SYNRG: variants seen among roughly 807,000 people sequenced by gnomAD.
SYNRG encodes the protein synergin gamma.
Under a neutral mutation model 130.9 loss-of-function variants are expected in SYNRG, and 37 were observed. The observed-to-expected ratio is 0.28, with a 90% CI of 0.22 to 0.37. The LOEUF is 0.37. Among genes scored for constraint, SYNRG ranks in the 10% least tolerant of loss-of-function variants. SYNRG has a pLI of 1.00. For missense variants in SYNRG, 1,338 were observed against 1,588.9 expected (o/e 0.84, Z 2.68); for synonymous variants, 539 against 568.1 (o/e 0.95, Z 0.73).
rs1479641596 is a variant in SYNRG at position 37,545,365 on chromosome 17, C to T, written c.2609-2800G>A. Among the ~76,000 whole-genome samples the T allele has an allele frequency of 3.3e-5, 5 of 152,150 alleles. No homozygotes were observed. In the East Asian group the frequency reaches 9.7e-4, roughly 29 times the overall value. Reference sequence around the variant, plus strand: ...AAGCCAAGATGGCACCACTGCACTCCAGCCTGGCGACAGTTTGAGACTCTG... The same window carrying T: ...AAGCCAAGATGGCACCACTGCACTCTAGCCTGGCGACAGTTTGAGACTCTG... On this transcript the variant is annotated intron_variant, in intron 14 of 21. Transcript: ENST00000612223.
intron 7 of SYNRG, 42 bp downstream of exon 7, chr17:37,577,338 T>C (rs762801044): frequency 1.3e-6 from 2 of 1,568,972 alleles, no homozygotes; most frequent in East Asian, 4.5e-5. Context: ...TTGAGCAACA[T>C]TTGGTTAAAC....
chr17:37,564,590 C>T (rs536422585), intron 11 of SYNRG, among the ~76,000 whole-genome samples: 1 of 152,338 alleles, frequency 6.6e-6, no homozygotes, highest in East Asian at 1.9e-4. Context: ...ACAATGTTCT[C>T]CATCCCGGTC....
At chr17:37,528,601 G>A (rs1318579416) in intron 19 of SYNRG, among the ~76,000 whole-genome samples, 1 of 152,158 alleles carries the variant, frequency 6.6e-6, no homozygotes, top group Non-Finnish European at 1.5e-5. Context: ...CCTCAATCAT[G>A]CCTCTTTCTA....
At chr17:37,525,702 T>C (rs186654874) in intron 19 of SYNRG, among the ~76,000 whole-genome samples, 5 of 152,044 alleles carry the variant, frequency 3.3e-5, no homozygotes, top group Non-Finnish European at 4.4e-5. Context: ...GAGCGGTGGC[T>C]CACACCTGTA....
chr17:37,549,131 CAAA>C (rs902288633), intron 14 of SYNRG, among the ~76,000 whole-genome samples: 6 of 52,434 alleles, frequency 1.1e-4, no homozygotes, highest in Non-Finnish European at 1.6e-4. Flanking sequence ...AACCTGGTCT[CAAA>C]AAAAAAAAAA....
At chr17:37,598,580 C>T (rs190755275) in intron 2 of SYNRG, among the ~76,000 whole-genome samples, 208 of 152,354 alleles carry the variant, frequency 1.4e-3, no homozygotes, top group African/African-American at 4.9e-3. Flanking sequence ...TTTCTCTCCT[C>T]TGTCTCCGGT....
At chr17:37,594,334 TA>T (rs1356945700) in intron 3 of SYNRG, among the ~76,000 whole-genome samples, 11 of 147,420 alleles carry the variant, frequency 7.5e-5, no homozygotes, top group African/African-American at 2.2e-4. Context: ...AATATTAAAA[TA>T]AAAATTAATG....
chr17:37,523,850 G>C (rs2055470928), intron 19 of SYNRG, among the ~76,000 whole-genome samples: 1 of 152,188 alleles, frequency 6.6e-6, no homozygotes, highest in South Asian at 2.1e-4. Context: ...ACTGTGGAGA[G>C]TAAGGAGGTG....
chr17:37,560,475 T>G (rs539410922), intron 13 of SYNRG, among the ~76,000 whole-genome samples: 1 of 151,720 alleles, frequency 6.6e-6, no homozygotes, highest in East Asian at 1.9e-4. Context: ...CAGCTGGGAC[T>G]ACAGGCATGT....
intron 3 of SYNRG, 66 bp downstream of exon 3, chr17:37,596,157 G>C: frequency 8.4e-6 from 13 of 1,553,432 alleles, no homozygotes; most frequent in Non-Finnish European, 1.1e-5. Flanking sequence ...TTAGCCTGTA[G>C]CTCTTGATAT....
At chr17:37,599,502 C>T (rs9894357) in intron 2 of SYNRG, among the ~76,000 whole-genome samples, 9,892 of 152,230 alleles carry the variant, frequency 0.065, 1,045 homozygotes, top group African/African-American at 0.22. Context: ...AGGAGAATCG[C>T]TTAAGCCGAG....
At chr17:37,579,389 G>C (rs2146283118) in intron 6 of SYNRG, 5 of 1,304,298 alleles carry the variant, frequency 3.8e-6, no homozygotes, top group African/African-American at 3.0e-5. Flanking sequence ...AAGAAAGGCA[G>C]GTGATGGGGA....
chr17:37,554,443 C>T (rs888550786), intron 13 of SYNRG, among the ~76,000 whole-genome samples: 8 of 151,984 alleles, frequency 5.3e-5, no homozygotes, highest in African/African-American at 1.9e-4. Flanking sequence ...TGAAGAGAGG[C>T]ATATTAAAAC....
chr17:37,544,388 C>G (rs984979762), intron 14 of SYNRG, among the ~76,000 whole-genome samples: 1 of 151,628 alleles, frequency 6.6e-6, no homozygotes, highest in Admixed American at 6.6e-5. Context: ...GATCTCGGCT[C>G]ACTACAACCT....
chr17:37,601,657 C>T (rs1307434649), intron 1 of SYNRG, among the ~76,000 whole-genome samples: 1 of 151,926 alleles, frequency 6.6e-6, no homozygotes, highest in African/African-American at 2.4e-5. Context: ...TTTAAGCTGA[C>T]AACTTTATTT....
intron 11 of SYNRG, among the ~76,000 whole-genome samples, chr17:37,562,999 AAAC>A (rs374098575): frequency 1.6e-3 from 251 of 152,352 alleles, no homozygotes; most frequent in African/African-American, 5.7e-3. Flanking sequence ...TTGGAAAAAA[AAAC>A]AACAACAGAA....
At chr17:37,570,074 G>T (rs1208715956) in intron 10 of SYNRG, among the ~76,000 whole-genome samples, 1 of 150,440 alleles carries the variant, frequency 6.6e-6, no homozygotes, top group African/African-American at 2.4e-5. Flanking sequence ...TTGCTAATTC[G>T]AGTTACTATT....
intron 19 of SYNRG, among the ~76,000 whole-genome samples, chr17:37,531,149 C>G (rs2056592432): frequency 6.6e-6 from 1 of 152,176 alleles, no homozygotes; most frequent in African/African-American, 2.4e-5. Flanking sequence ...GGAAGGATCA[C>G]TTGAGCCTGG....
chr17:37,517,424 G>C lies in SYNRG; in HGVS notation c.*1516C>G, dbSNP rs2054512002. ...ATTCAGAGTGAGCTGCCTCAGTCAG[G>C]AATGGCCAGAGACGGTATCATCGGG... On this transcript the variant is annotated 3_prime_UTR_variant, in exon 22 of 22. Coordinates refer to ENST00000612223, the MANE Select transcript of SYNRG (RefSeq NM_007247.6). 2 of 151,960 alleles carry C rather than the reference G, an allele frequency of 1.3e-5. No homozygotes were observed. The highest frequency in any genetic ancestry group is 4.8e-5 in the African/African-American group (2 of 41,364). 9.4% of individuals were successfully genotyped at this position (151,960 alleles called of 1,614,324 possible). A position where few individuals can be genotyped will look rare whatever the true frequency, so the allele number is the denominator to read the frequency against.
Sources: allele counts gnomAD v4.1 joint callset (sites outside exome capture counted in the v4.1 genomes callset), GRCh38; gene constraint gnomAD v4.1.1; transcripts MANE v1.5; gene names NCBI Gene and HGNC (gene_info 2026-07-23, HGNC 2026-07-21).